Variants in ARMCX4 observed in about 807,000 individuals in gnomAD.
ARMCX4 encodes the protein armadillo repeat containing X-linked 4, also known as armadillo repeat-containing X-linked protein 4.
A neutral mutation model predicts 34.7 loss-of-function variants in ARMCX4; 3 were observed. That is an observed-to-expected ratio of 0.09 (90% CI 0.04 to 0.22). The LOEUF is 0.22. ARMCX4 is among the 10% of genes least tolerant of loss of function. The probability of loss-of-function intolerance (pLI) is 1.00; values close to 1 mark genes in which losing one functional copy is unlikely to be tolerated. For synonymous variants in ARMCX4, 513 were observed against 632.8 expected (o/e 0.81, Z 2.84); for missense variants, 1,448 against 1,720.8 (o/e 0.84, Z 2.81).
chrX:101,513,804 C>G (rs1556017002), intron 11 of ARMCX4, among the ~76,000 whole-genome samples: 1 of 110,397 alleles, frequency 9.1e-6, no homozygotes, highest in Non-Finnish European at 1.9e-5. Context: ...CTTTATTAGT[C>G]CTGCTTGAAT....
intron 4 of ARMCX4, among the ~76,000 whole-genome samples, chrX:101,456,880 G>A: frequency 9.2e-6 from 1 of 108,581 alleles, no homozygotes; most frequent in East Asian, 2.8e-4. Context: ...TAATTTGTTG[G>A]TTCTCTGTGT....
chrX:101,512,573 C>T (rs1556016590), intron 11 of ARMCX4, among the ~76,000 whole-genome samples: 1 of 109,030 alleles, frequency 9.2e-6, no homozygotes, highest in African/African-American at 3.3e-5. Context: ...CAATGTTTAT[C>T]CACTGATCTT....
chrX:101,465,735 C>G (rs1194886615), intron 4 of ARMCX4, among the ~76,000 whole-genome samples: 2 of 111,838 alleles, frequency 1.8e-5, no homozygotes, highest in Non-Finnish European at 3.8e-5. Flanking sequence ...CACTCTAAAA[C>G]TGCAGAATAC....
chrX:101,485,364 G>C (rs1933647550), upstream of ARMCX4: 2 of 149,505 alleles, frequency 1.3e-5, no homozygotes, highest in Admixed American at 9.3e-5. Context: ...TGGGTGGTAG[G>C]GGGTGCTGGG....
chrX:101,502,057 T>C (rs1194275547), intron 7 of ARMCX4, among the ~76,000 whole-genome samples: 1 of 112,056 alleles, frequency 8.9e-6, no homozygotes, highest in Non-Finnish European at 1.9e-5. Context: ...AGCCATGTCA[T>C]ATGAATGGAA....
chrX:101,499,688 G>A (rs1934253969), downstream of ARMCX4, among the ~76,000 whole-genome samples: 1 of 112,126 alleles, frequency 8.9e-6, no homozygotes, highest in East Asian at 2.8e-4. Context: ...AGAGTGGCAG[G>A]TGGGGAGGCC....
chrX:101,504,474 A>T (rs1934396206), intron 7 of ARMCX4, among the ~76,000 whole-genome samples: 1 of 109,805 alleles, frequency 9.1e-6, no homozygotes, highest in African/African-American at 3.3e-5. Flanking sequence ...GGAGGGAGAG[A>T]TTCTAGACCC....
At chrX:101,473,596 A>G (rs1265813869) in intron 4 of ARMCX4, among the ~76,000 whole-genome samples, 1 of 109,494 alleles carries the variant, frequency 9.1e-6, no homozygotes, top group Non-Finnish European at 1.9e-5. Context: ...AACAGAGATT[A>G]TAACAAACTA....
rs189124556 is a variant in ARMCX4, at chrX:101,527,753, C to A, written c.*1781-3891C>A. Among the ~76,000 whole-genome samples, 5 of 111,866 alleles carry A rather than the reference C, an allele frequency of 4.5e-5. No homozygotes were observed. In the Admixed American group the frequency reaches 4.7e-4, roughly 11 times the overall value. ...TAGGAGAAGTGGATAAATTCCTCGA[C>A]ACATACACCCTTCCAAGACTAAACC... is the stretch of plus-strand genomic sequence containing the variant. On this transcript the variant is annotated intron_variant and NMD_transcript_variant, in intron 11 of 12. Transcript: ENST00000354842.
At chrX:101,438,022 A>G (rs1555995500) in intron 2 of ARMCX4, among the ~76,000 whole-genome samples, 1 of 111,896 alleles carries the variant, frequency 8.9e-6, no homozygotes, top group Non-Finnish European at 1.9e-5. Flanking sequence ...AGACCACATT[A>G]TAACAAACTT....
chrX:101,456,711 A>G (rs1932305072), intron 4 of ARMCX4, among the ~76,000 whole-genome samples: 1 of 111,239 alleles, frequency 9.0e-6, no homozygotes, highest in African/African-American at 3.3e-5. Flanking sequence ...CTTCAGTGTT[A>G]TTATTATTCA....
At chrX:101,476,999 A>G (rs1057510435) in intron 4 of ARMCX4, among the ~76,000 whole-genome samples, 2 of 111,719 alleles carry the variant, frequency 1.8e-5, no homozygotes, top group Admixed American at 9.5e-5. Context: ...ATAAAAGGCA[A>G]TAGGAAAAAT....
chrX:101,490,990 T>C lies in ARMCX4; in HGVS notation c.2401T>C (p.Leu801=). The change falls in exon 6 of 6, where the codon TTG becomes CTG. Residue 801 remains leucine (L), a synonymous_variant. Transcript: ENST00000423738. The part of the protein sequence containing the change: ...QAVANSHCET[L]PGAKNKVRGN... Reference sequence around the variant, plus strand: ...TGTGGCTAATTCCCATTGTGAGACCTTGCCTGGTGCCAAGAATAAGGTCAG... The same window carrying C: ...TGTGGCTAATTCCCATTGTGAGACCCTGCCTGGTGCCAAGAATAAGGTCAG... The C allele has an allele frequency of 8.7e-7, 1 of 1,155,375 alleles. No homozygotes were observed. The highest frequency in any genetic ancestry group is 3.3e-5 in the East Asian group (1 of 30,711).
intron 10 of ARMCX4, among the ~76,000 whole-genome samples, chrX:101,510,542 T>C (rs782671429): frequency 3.6e-5 from 4 of 111,622 alleles, no homozygotes; most frequent in Non-Finnish European, 7.5e-5. Context: ...TTTGGTCTTA[T>C]TTTCACCCTT....
In ARMCX4 at chrX:101,428,072, G is replaced by T. The variant is rs7049524; in HGVS notation, n.164+9072G>T. On this transcript the variant is annotated intron_variant and non_coding_transcript_variant, in intron 2 of 3. Transcript: ENST00000430461. ...AAATTAAAGCTTATGTGTATATAAA[G>T]ACGTGTACACCGGTGTTCTTACCAA... is the stretch of plus-strand genomic sequence containing the variant. Among the ~76,000 whole-genome samples, 585 of 112,138 alleles carry T rather than the reference G, an allele frequency of 5.2e-3. 6 individuals are homozygous for T. Among genetic ancestry groups the T allele is most frequent in the African/African-American group, 0.017 (539 of 30,894 alleles).
intron 8 of ARMCX4, among the ~76,000 whole-genome samples, chrX:101,507,698 G>T (rs781918781): frequency 1.7e-4 from 19 of 111,845 alleles, no homozygotes; most frequent in Non-Finnish European, 2.8e-4. Context: ...AATACCTTGA[G>T]ATTTTGCCTG....
At chrX:101,433,773 T>G (rs1219216043) in intron 2 of ARMCX4, among the ~76,000 whole-genome samples, 1 of 111,223 alleles carries the variant, frequency 9.0e-6, no homozygotes, top group Non-Finnish European at 1.9e-5. Context: ...TTAATGATGA[T>G]GCAAAAAAAA....
chrX:101,505,371 C>T (rs782693803), intron 8 of ARMCX4: 2 of 111,699 alleles, frequency 1.8e-5, no homozygotes, highest in Non-Finnish European at 3.8e-5. Flanking sequence ...TTAAATAAAA[C>T]GTTTCTTTAT....
chrX:101,526,687 G>C (rs1391432784), intron 11 of ARMCX4, among the ~76,000 whole-genome samples: 2 of 111,810 alleles, frequency 1.8e-5, no homozygotes, highest in African/African-American at 6.5e-5. Context: ...TGCAATCCTA[G>C]TCTCTGATAA....
Sources: gnomAD v4.1 joint callset for allele counts (sites outside exome capture counted in the v4.1 genomes callset) on GRCh38, gnomAD v4.1.1 for gene constraint, MANE v1.5 for transcripts, NCBI Gene and HGNC (gene_info 2026-07-23, HGNC 2026-07-21) for gene names.